The following DRC8 variants were observed in gnomAD, a reference collection of about 807,000 sequenced individuals.
The protein encoded by DRC8 is dynein regulatory complex protein 8.
At chr1:244,988,423 C>T in the DRC8 span, among the ~76,000 whole-genome samples, 1 of 151,588 alleles carries the variant, frequency 6.6e-6, no homozygotes, top group Non-Finnish European at 1.5e-5. Flanking sequence ...ATTTTGTGGC[C>T]TATTAGAGTA....
At chr1:245,029,840 C>T in the DRC8 span, among the ~76,000 whole-genome samples, 1 of 152,152 alleles carries the variant, frequency 6.6e-6, no homozygotes, top group African/African-American at 2.4e-5. Flanking sequence ...AAGTGATCCG[C>T]CTGCCTCAGC....
the DRC8 span, among the ~76,000 whole-genome samples, chr1:244,983,369 A>G: frequency 6.6e-6 from 1 of 152,304 alleles, no homozygotes; most frequent in South Asian, 2.1e-4. Flanking sequence ...TCATGTCACA[A>G]GTATTTCTTA....
chr1:244,987,530 G>A, the DRC8 span, among the ~76,000 whole-genome samples: 1 of 151,764 alleles, frequency 6.6e-6, no homozygotes, highest in South Asian at 2.1e-4. Context: ...GTGTTTTGGT[G>A]GTATATTGTC....
chr1:245,073,217 C>CCT, the DRC8 span, among the ~76,000 whole-genome samples: 1 of 152,114 alleles, frequency 6.6e-6, no homozygotes, highest in Non-Finnish European at 1.5e-5. Context: ...TTCACTGTAA[C>CCT]CTCTGCCTCC....
the DRC8 span, chr1:245,122,779 A>C: frequency 1.3e-5 from 2 of 152,172 alleles, no homozygotes; most frequent in African/African-American, 4.8e-5. Context: ...CACCCCATTC[A>C]AGTGTGCAAT....
the DRC8 span, among the ~76,000 whole-genome samples, chr1:244,988,360 T>G: frequency 2.0e-5 from 3 of 152,134 alleles, no homozygotes; most frequent in Non-Finnish European, 4.4e-5. Context: ...GTTATTATAT[T>G]GACATACTAA....
chr1:245,002,979 G>A, the DRC8 span, among the ~76,000 whole-genome samples: 6 of 152,042 alleles, frequency 3.9e-5, no homozygotes, highest in Non-Finnish European at 7.4e-5. Flanking sequence ...GGAAACTACC[G>A]TTCTGCTTTC....
At chr1:245,114,408 T>A in the DRC8 span, among the ~76,000 whole-genome samples, 2 of 151,282 alleles carry the variant, frequency 1.3e-5, no homozygotes, top group African/African-American at 4.9e-5. Flanking sequence ...GAGGTTGCAG[T>A]GAGCTGAGGT....
At chr1:245,083,896 T>G in the DRC8 span, 5 of 574,962 alleles carry the variant, frequency 8.7e-6, no homozygotes, top group East Asian at 1.0e-4. Context: ...GGTTGTTGTC[T>G]CGTAGAATTT....
chr1:245,017,309 T>G, the DRC8 span: 1 of 1,605,358 alleles, frequency 6.2e-7, no homozygotes, highest in South Asian at 1.1e-5. Context: ...ATGAGTCGAA[T>G]AATACAGTGG....
At chr1:244,990,792 C>T in the DRC8 span, among the ~76,000 whole-genome samples, 18 of 151,860 alleles carry the variant, frequency 1.2e-4, no homozygotes, top group African/African-American at 2.2e-4. Context: ...TGAGCCACTG[C>T]GCCTGGCCTA....
the DRC8 span, among the ~76,000 whole-genome samples, chr1:245,077,923 C>G: frequency 6.6e-6 from 1 of 152,034 alleles, no homozygotes; most frequent in East Asian, 1.9e-4. Context: ...AAGGAGCAAC[C>G]TATGGAATGG....
the DRC8 span, among the ~76,000 whole-genome samples, chr1:245,009,910 A>G: frequency 2.0e-5 from 3 of 151,914 alleles, no homozygotes; most frequent in Non-Finnish European, 4.4e-5. Context: ...GCTGGAGTGC[A>G]GTGGCACAAT....
chr1:245,001,996 G>T, the DRC8 span: 2 of 695,166 alleles, frequency 2.9e-6, no homozygotes, highest in Non-Finnish European at 2.5e-6. Context: ...TGAAAGCATG[G>T]TCCTTTCTCA....
the DRC8 span, among the ~76,000 whole-genome samples, chr1:245,088,893 T>TG: frequency 1.5e-3 from 221 of 152,182 alleles, no homozygotes; most frequent in African/African-American, 5.2e-3. This position sits in a 1 kb window ranked among gnomAD's most constrained non-coding sequence, Gnocchi z 4.6. Context: ...GTGGGAGATT[T>TG]GGGGGTCATG....
chr1:245,099,043 T>C, the DRC8 span, among the ~76,000 whole-genome samples: 1 of 152,102 alleles, frequency 6.6e-6, no homozygotes, highest in South Asian at 2.1e-4. Flanking sequence ...TTTCATTTTT[T>C]CTAAATCAAG....
At chr1:245,087,755 T>C in the DRC8 span, 17 of 986,026 alleles carry the variant, frequency 1.7e-5, no homozygotes, top group Admixed American at 3.7e-4. Context: ...AGCAGTGTAA[T>C]GAAGGCTTCT....
At chr1:244,987,533 A>G in the DRC8 span, among the ~76,000 whole-genome samples, 1 of 151,930 alleles carries the variant, frequency 6.6e-6, no homozygotes, top group African/African-American at 2.4e-5. Context: ...TTTTGGTGGT[A>G]TATTGTCTTT....
chr1:245,048,671 C>T, the DRC8 span, among the ~76,000 whole-genome samples: 1 of 151,574 alleles, frequency 6.6e-6, no homozygotes, highest in South Asian at 2.1e-4. Flanking sequence ...CTCCCTCTCT[C>T]CCCCGTTTCT....
Sources: gnomAD v4.1 joint callset for allele counts (sites outside exome capture counted in the v4.1 genomes callset) on GRCh38, gnomAD v4.1.1 for gene constraint, Gnocchi (gnomAD v3.1) non-coding constraint, MANE v1.5 for transcripts, NCBI Gene and HGNC (gene_info 2026-07-23, HGNC 2026-07-21) for gene names.